Variants in CACNA1B observed in about 807,000 individuals in gnomAD.
CACNA1B encodes voltage-dependent N-type calcium channel subunit alpha-1B.
CACNA1B carries 70 observed loss-of-function variants against 247.2 expected under a neutral mutation model. The observed-to-expected ratio is 0.28, with a 90% CI of 0.23 to 0.35. The LOEUF is 0.35. CACNA1B is among the 10% of genes least tolerant of loss of function. CACNA1B has a pLI of 1.00. For missense variants in CACNA1B, 2,367 were observed against 3,197.4 expected (o/e 0.74, Z 6.26); for synonymous variants, 1,231 against 1,294.4 (o/e 0.95, Z 1.05).
In CACNA1B at chr9:137,935,280, C is replaced by T. The variant is rs956832464; in HGVS notation, c.967-16994C>T. ...CCCCCCACCCCATGACAGGCTCCGG[C>T]GTGTGATGTTCCCTGCCCTGTGTCC... is the stretch of plus-strand genomic sequence containing the variant. On this transcript the variant is annotated intron_variant, in intron 6 of 46. Coordinates refer to ENST00000371372, the MANE Select transcript of CACNA1B (RefSeq NM_000718.4). Among the ~76,000 whole-genome samples, 10 of 152,104 alleles carry T rather than the reference C, an allele frequency of 6.6e-5. No individual in the cohort carries two copies. The East Asian group carries it at 1.2e-3, about 18-fold the overall frequency.
rs371845137 is a variant in CACNA1B at position 137,998,456 on chromosome 9, G to A, written c.1975-8311G>A. The stretch of plus-strand genomic sequence containing the variant: ...GAAACCCCATCTTTACTAAAAATAC[G>A]TAAAATTAGCTGGGTGTGCTGGTGC... On this transcript the variant is annotated intron_variant, in intron 15 of 46. Transcript: ENST00000371372. Among the ~76,000 whole-genome samples the A allele has an allele frequency of 3.5e-4, 53 of 152,122 alleles. No individual in the cohort carries two copies. In the East Asian group the frequency reaches 6.6e-3, roughly 19 times the overall value.
chr9:138,016,043 TAC>T (rs1337311276), intron 18 of CACNA1B, among the ~76,000 whole-genome samples: 1 of 151,714 alleles, frequency 6.6e-6, no homozygotes, highest in Non-Finnish European at 1.5e-5. Flanking sequence ...CACAGAATCA[TAC>T]ACACAGACTC....
chr9:137,916,866 G>A (rs568265103), intron 5 of CACNA1B, among the ~76,000 whole-genome samples: 9 of 141,030 alleles, frequency 6.4e-5, no homozygotes, highest in South Asian at 2.4e-4. Context: ...GGAGAGGAAC[G>A]ATCAGCGTGG....
intron 12 of CACNA1B, among the ~76,000 whole-genome samples, chr9:137,977,964 G>A (rs1958241604): frequency 6.7e-6 from 1 of 150,048 alleles, no homozygotes; most frequent in Admixed American, 6.6e-5. Flanking sequence ...GGAGTGAAGG[G>A]TGGGAGTACT....
chr9:138,119,196 C>T (rs557834511), intron 44 of CACNA1B, among the ~76,000 whole-genome samples: 7 of 152,130 alleles, frequency 4.6e-5, no homozygotes, highest in Non-Finnish European at 5.9e-5. Context: ...TGCGGAGGAC[C>T]CTCCCTGCTC....
At chr9:138,029,079 TG>T (rs1290520300) in intron 20 of CACNA1B, among the ~76,000 whole-genome samples, 4 of 152,216 alleles carry the variant, frequency 2.6e-5, no homozygotes, top group Non-Finnish European at 5.9e-5. Flanking sequence ...TATTGACTTT[TG>T]GGCATGTATA....
intron 31 of CACNA1B, among the ~76,000 whole-genome samples, chr9:138,063,099 CAT>C (rs1959787877): frequency 6.6e-6 from 1 of 152,250 alleles, no homozygotes; most frequent in African/African-American, 2.4e-5. Context: ...ATCTAAGTAA[CAT>C]AACATCATCA....
At chr9:138,048,214 T>A (rs1959199285) in intron 23 of CACNA1B, among the ~76,000 whole-genome samples, 1 of 152,204 alleles carries the variant, frequency 6.6e-6, no homozygotes, top group African/African-American at 2.4e-5. Context: ...AAGCTGACCC[T>A]TAGCGAGGTT....
rs779405588 is a variant in CACNA1B at position 138,047,395 on chromosome 9, T to A, written c.3544-4T>A. 2 of 1,607,988 alleles carry A rather than the reference T, an allele frequency of 1.2e-6. No individual in the cohort carries two copies. Among genetic ancestry groups the A allele is most frequent in the Non-Finnish European group, 1.7e-6 (2 of 1,174,424 alleles). The stretch of plus-strand genomic sequence containing the variant: ...TTTGAGAATAACCTTCCTTTTGGTT[T>A]CAGGCTCTGAAATACCTGGATTACA... On this transcript the variant is annotated splice_region_variant and splice_polypyrimidine_tract_variant and intron_variant, in intron 22 of 46. Coordinates refer to ENST00000371372, the MANE Select transcript of CACNA1B (RefSeq NM_000718.4).
chr9:137,981,511 C>G (rs906333913), intron 12 of CACNA1B, among the ~76,000 whole-genome samples: 1 of 152,204 alleles, frequency 6.6e-6, no homozygotes, highest in African/African-American at 2.4e-5. Context: ...GTGTCTCGCT[C>G]TGTTGCCCAG....
intron 36 of CACNA1B, among the ~76,000 whole-genome samples, chr9:138,093,148 A>G (rs1960934754): frequency 1.3e-5 from 2 of 152,174 alleles, no homozygotes; most frequent in Non-Finnish European, 2.9e-5. Flanking sequence ...GGCCAGGTGC[A>G]GTAGCTCACA....
intron 10 of CACNA1B, among the ~76,000 whole-genome samples, chr9:137,960,055 G>A (rs1217182507): frequency 6.6e-6 from 1 of 151,918 alleles, no homozygotes; most frequent in Non-Finnish European, 1.5e-5. Flanking sequence ...GGGACGCCGG[G>A]GCGGGGGAGA....
rs1428481509 is a variant in CACNA1B at position 137,954,623 on chromosome 9, G to A, written c.1071-1075G>A. 6.6e-6 allele frequency among the ~76,000 whole-genome samples: 1 copy of A among 152,192 alleles called. No homozygotes were observed. The highest frequency in any genetic ancestry group is 2.4e-5 in the African/African-American group (1 of 41,446). ...GGCCACAGGGATTGGTCTGGGTGGG[G>A]AGGCCACAGTGGACCCTGCCTTCCT... On this transcript the variant is annotated intron_variant, in intron 7 of 46. Coordinates refer to ENST00000371372, the MANE Select transcript of CACNA1B (RefSeq NM_000718.4). The surrounding 1 kb of genome is among the most constrained non-coding windows in gnomAD (Gnocchi z 4.1).
In CACNA1B at chr9:138,083,896, C is replaced by T. The variant is rs529422770; in HGVS notation, c.5094+5638C>T. Among the ~76,000 whole-genome samples the T allele has an allele frequency of 4.0e-4, 61 of 150,870 alleles. 1 individual carries two copies. The highest frequency in any genetic ancestry group is 1.5e-3 in the African/African-American group (60 of 40,728). ...GGGATACTGCCAAGCCCTACCATCC[C>T]AGGGTCTAGAGTAACCACTACATGG... is the stretch of plus-strand genomic sequence containing the variant. On this transcript the variant is annotated intron_variant, in intron 36 of 46. Coordinates refer to ENST00000371372, the MANE Select transcript of CACNA1B (RefSeq NM_000718.4).
At chr9:138,004,469 G>C (rs1368104259) in intron 15 of CACNA1B, among the ~76,000 whole-genome samples, 1 of 151,498 alleles carries the variant, frequency 6.6e-6, no homozygotes, top group African/African-American at 2.4e-5. Context: ...AGGATTGATT[G>C]GGCCCAGAAA....
chr9:138,047,326 C>G (rs1654645478), intron 22 of CACNA1B, 73 bp from the exon 23 acceptor site: 1 of 1,167,326 alleles, frequency 8.6e-7, no homozygotes, highest in African/African-American at 1.5e-5. Context: ...GGAGGAAAAA[C>G]TCGGAGCCAC....
At chr9:138,044,038 G>A in intron 21 of CACNA1B, 138 bp downstream of exon 21, 1 of 1,195,672 alleles carries the variant, frequency 8.4e-7, no homozygotes, top group Non-Finnish European at 1.2e-6. Context: ...GCAGACCCCA[G>A]AGGCACGTGC....
In CACNA1B at chr9:137,952,235, T is replaced by C; in HGVS notation, c.967-39T>C. 6.5e-7 allele frequency: 1 copy of C among 1,536,178 alleles called. No homozygotes were observed. On this transcript the variant is annotated intron_variant, in intron 6 of 46. Coordinates refer to ENST00000371372, the MANE Select transcript of CACNA1B (RefSeq NM_000718.4). This position sits in a 1 kb window ranked among gnomAD's most constrained non-coding sequence, Gnocchi z 4.8. The stretch of plus-strand genomic sequence containing the variant: ...TGCTCCTGTGGCCGGGACTGTGTTT[T>C]GTCCCTGTCCTTCCTCATCTCCCTC...
At position 137,881,125 on chromosome 9, in the gene CACNA1B, T is replaced by C. The variant is rs1343023318; in HGVS notation, c.391-1619T>C. ...TTCTCTTTTTCACCAGGAAGTTTCC[T>C]GTGAAGATCTCTGTCTGCTGCGGCC... On this transcript the variant is annotated intron_variant, in intron 2 of 46. Transcript: ENST00000371372. The surrounding 1 kb of genome is among the most constrained non-coding windows in gnomAD (Gnocchi z 4.3). 1.3e-5 allele frequency among the ~76,000 whole-genome samples: 2 copies of C among 152,164 alleles called. No homozygotes were observed. Among genetic ancestry groups the C allele is most frequent in the African/African-American group, 4.8e-5 (2 of 41,420 alleles).
Sources: allele counts gnomAD v4.1 joint callset (sites outside exome capture counted in the v4.1 genomes callset), GRCh38; gene constraint gnomAD v4.1.1; non-coding constraint Gnocchi (gnomAD v3.1); transcripts MANE v1.5; gene names NCBI Gene and HGNC (gene_info 2026-07-23, HGNC 2026-07-21).